Variants in RXFP2 observed in about 807,000 individuals in gnomAD.
RXFP2 encodes relaxin receptor 2.
Under a neutral mutation model 88.6 loss-of-function variants are expected in RXFP2, and 68 were observed. That is an observed-to-expected ratio of 0.77 (90% CI 0.63 to 0.94). The LOEUF is 0.94. Ranked by LOEUF, RXFP2 falls within the 40% of genes least tolerant of loss-of-function variation. RXFP2 has a pLI of 0.00. For missense variants in RXFP2, 791 were observed against 893.9 expected, an observed-to-expected ratio of 0.88 and a Z score of 1.47; for synonymous variants, 329 against 306.8, an observed-to-expected ratio of 1.07 and a Z score of -0.76.
intron 1 of RXFP2, among the ~76,000 whole-genome samples, chr13:31,744,856 C>T (rs1871347589): frequency 6.6e-6 from 1 of 152,056 alleles, no homozygotes; most frequent in African/African-American, 2.4e-5. Flanking sequence ...TTTAATCACG[C>T]AGAGTTTAAA....
At chr13:31,750,175 A>G (rs1871601519) in intron 1 of RXFP2, among the ~76,000 whole-genome samples, 2 of 152,172 alleles carry the variant, frequency 1.3e-5, no homozygotes, top group Admixed American at 1.3e-4. Context: ...TTCTGGTTGC[A>G]TTGCCCATTT....
At chr13:31,761,334 A>G (rs1408334224) in intron 2 of RXFP2, among the ~76,000 whole-genome samples, 1 of 152,224 alleles carries the variant, frequency 6.6e-6, no homozygotes, top group East Asian at 1.9e-4. Context: ...CAATATATCT[A>G]TCAAGTATGT....
At chr13:31,790,663 G>A (rs1873748813) in intron 14 of RXFP2, among the ~76,000 whole-genome samples, 1 of 152,200 alleles carries the variant, frequency 6.6e-6, no homozygotes, top group South Asian at 2.1e-4. Flanking sequence ...GAGAGTAAAG[G>A]AGCAAGTGAG....
intron 1 of RXFP2, among the ~76,000 whole-genome samples, chr13:31,751,943 A>G (rs1457378222): frequency 6.6e-6 from 1 of 152,208 alleles, no homozygotes; most frequent in Admixed American, 6.5e-5. Context: ...AAAAGAATGC[A>G]TCTCTAAAGG....
intron 1 of RXFP2, among the ~76,000 whole-genome samples, chr13:31,755,281 C>A (rs573552131): frequency 1.3e-5 from 2 of 152,086 alleles, no homozygotes; most frequent in Non-Finnish European, 2.9e-5. Flanking sequence ...GCATGTGATC[C>A]CTTCTCAACT....
rs993068566 is a variant in RXFP2 at position 31,781,532 on chromosome 13, A to T, written c.786-139A>T. The T allele has an allele frequency of 5.8e-5, 36 of 625,836 alleles. No individual in the cohort carries two copies. In the Admixed American group the frequency reaches 1.0e-3, roughly 18 times the overall value. 38.8% of individuals were successfully genotyped at this position (625,836 alleles called of 1,614,324 possible). A position where few individuals can be genotyped will look rare whatever the true frequency, so the allele number is the denominator to read the frequency against. On this transcript the variant is annotated intron_variant, in intron 9 of 17. Coordinates refer to ENST00000298386, the MANE Select transcript of RXFP2 (RefSeq NM_130806.5). The stretch of plus-strand genomic sequence containing the variant: ...AAAGAAGCATAATATTAGTTATACT[A>T]ACCTTGCAATAATTAGGAGGAAAGA...
At chr13:31,773,775 G>A (rs1000767832) in intron 5 of RXFP2, among the ~76,000 whole-genome samples, 1 of 152,166 alleles carries the variant, frequency 6.6e-6, no homozygotes, top group African/African-American at 2.4e-5. Flanking sequence ...TAGTTTTGCA[G>A]TAGAATATCA....
chr13:31,778,718 A>C (rs1000860392), intron 9 of RXFP2, 135 bp downstream of exon 9: 6 of 777,246 alleles, frequency 7.7e-6, no homozygotes, highest in African/African-American at 3.4e-5. Flanking sequence ...TTACCTTCCC[A>C]GTTTCAAAAT....
intron 8 of RXFP2, among the ~76,000 whole-genome samples, chr13:31,778,199 T>C (rs1165014935): frequency 6.6e-6 from 1 of 152,172 alleles, no homozygotes; most frequent in Non-Finnish European, 1.5e-5. Context: ...ACGTGAAGTT[T>C]ACAAGGAAAA....
intron 3 of RXFP2, 117 bp downstream of exon 3, chr13:31,761,918 T>C: frequency 1.4e-5 from 10 of 705,576 alleles, no homozygotes; most frequent in South Asian, 1.3e-4. Context: ...TAGTTCAATG[T>C]ATTTCACTGG....
chr13:31,780,135 G>A (rs190956166), intron 9 of RXFP2, among the ~76,000 whole-genome samples: 345 of 152,258 alleles, frequency 2.3e-3, no homozygotes, highest in African/African-American at 7.7e-3. Flanking sequence ...TCAGGGTTCC[G>A]GAGACACTTA....
intron 1 of RXFP2, among the ~76,000 whole-genome samples, chr13:31,752,561 A>C (rs1374925217): frequency 6.6e-6 from 1 of 152,140 alleles, no homozygotes; most frequent in African/African-American, 2.4e-5. Context: ...AAACAACAAC[A>C]ACAACAACCA....
At chr13:31,792,158 A>T in intron 15 of RXFP2, 123 bp downstream of exon 15, 2 of 734,506 alleles carry the variant, frequency 2.7e-6, no homozygotes, top group Non-Finnish European at 4.4e-6. Context: ...TCCTGGGCAC[A>T]TTTTTTTTTC....
At chr13:31,760,286 T>G (rs1872244014) in intron 2 of RXFP2, among the ~76,000 whole-genome samples, 1 of 152,130 alleles carries the variant, frequency 6.6e-6, no homozygotes, top group East Asian at 1.9e-4. Flanking sequence ...AGACGGGGTT[T>G]CAACATGTTG....
At chr13:31,785,915 CA>C (rs1441266463) in intron 11 of RXFP2, among the ~76,000 whole-genome samples, 1 of 152,156 alleles carries the variant, frequency 6.6e-6, no homozygotes, top group African/African-American at 2.4e-5. Context: ...TGAACTTATT[CA>C]AGATTATCTG....
Position 31,792,897 on chromosome 13 carries a change from G to A in RXFP2, c.1595G>A (p.Arg532Gln), listed in dbSNP as rs1259294978. Reference sequence around the variant, plus strand: ...ATTGTCTTCCCCTTCAGTAACATTCGACCTGGAAAACGGCAGACCTCAGTC... The same window carrying A: ...ATTGTCTTCCCCTTCAGTAACATTCAACCTGGAAAACGGCAGACCTCAGTC... Reference protein sequence around the residue: ...LVIVFPFSNIRPGKRQTSVIL... With the variant: ...LVIVFPFSNIQPGKRQTSVIL... Residue 532 changes from arginine (R) to glutamine (Q), a missense_variant, in exon 16 of 18, where the codon CGA becomes CAA. Physicochemically the swap from Arg to Gln is conservative, Grantham distance 43 (BLOSUM62 1). Transcript: ENST00000298386. 5.0e-6 allele frequency: 8 copies of A among 1,613,950 alleles called. No homozygotes were observed. Among genetic ancestry groups the A allele is most frequent in the East Asian group, 2.2e-5 (1 of 44,880 alleles).
At chr13:31,783,384 A>G (rs1013035606) in intron 11 of RXFP2, among the ~76,000 whole-genome samples, 1 of 152,234 alleles carries the variant, frequency 6.6e-6, no homozygotes, top group African/African-American at 2.4e-5. Flanking sequence ...AGTCTGTTAC[A>G]TTACACATAG....
At position 31,786,567 on chromosome 13, in the gene RXFP2, A is replaced by G. The variant is rs867868279; in HGVS notation, c.1003A>G (p.Asn335Asp). 1 of 1,523,658 alleles carries G rather than the reference A, an allele frequency of 6.6e-7. No homozygotes were observed. 94.4% of individuals were successfully genotyped at this position (1,523,658 alleles called of 1,614,324 possible). ...CTCATCTAATGGTAAAAAAAAAAGG[A>G]ACCTGTCATCCAATCCTCTTATGTA... ...FKDLKLLQKL[N>D]LSSNPLMYLH... Residue 335 changes from asparagine to aspartate, a missense_variant and splice_region_variant, in exon 13 of 18, where the codon AAC becomes GAC. Transcript: ENST00000298386.
intron 13 of RXFP2, among the ~76,000 whole-genome samples, chr13:31,788,232 A>G (rs1186299567): frequency 6.6e-6 from 1 of 152,210 alleles, no homozygotes; most frequent in African/African-American, 2.4e-5. Flanking sequence ...CAGCTTTCCC[A>G]GATTTCATTT....
Sources: allele counts gnomAD v4.1 joint callset (sites outside exome capture counted in the v4.1 genomes callset), GRCh38; gene constraint gnomAD v4.1.1; transcripts MANE v1.5; gene names NCBI Gene and HGNC (gene_info 2026-07-23, HGNC 2026-07-21).